LPXN: variants seen among roughly 807,000 people sequenced by gnomAD.
LPXN encodes the protein leupaxin.
A neutral mutation model predicts 45.6 loss-of-function variants in LPXN; 28 were observed. The observed-to-expected ratio is 0.61, with a 90% CI of 0.45 to 0.84. The LOEUF (loss-of-function observed/expected upper bound fraction) is 0.84, where lower values mean the gene tolerates loss of function less well. Among genes scored for constraint, LPXN ranks in the 40% least tolerant of loss-of-function variants. The pLI, the probability that LPXN is intolerant of heterozygous loss-of-function variation, is 0.00. For synonymous variants in LPXN, 166 were observed against 169.9 expected, an observed-to-expected ratio of 0.98 and a Z score of 0.18; for missense variants, 459 against 475.0, an observed-to-expected ratio of 0.97 and a Z score of 0.31.
At chr11:58,574,400 G>GT (rs1315753241) in intron 1 of LPXN, among the ~76,000 whole-genome samples, 1 of 152,146 alleles carries the variant, frequency 6.6e-6, no homozygotes, top group Non-Finnish European at 1.5e-5. Context: ...GTTTTTCTTA[G>GT]TTTTCTCATC....
intron 2 of LPXN, among the ~76,000 whole-genome samples, chr11:58,569,982 T>C (rs1854636166): frequency 1.3e-5 from 2 of 152,106 alleles, no homozygotes; most frequent in Admixed American, 1.3e-4. Flanking sequence ...TGCAATACTC[T>C]GCCTGTGACC....
intron 7 of LPXN, among the ~76,000 whole-genome samples, chr11:58,532,643 G>A (rs1018521928): frequency 2.0e-5 from 3 of 152,230 alleles, no homozygotes; most frequent in African/African-American, 4.8e-5. Flanking sequence ...TCTGTGTCTA[G>A]CTCAGGGATT....
intron 1 of LPXN, among the ~76,000 whole-genome samples, chr11:58,573,032 G>A (rs1473368526): frequency 6.6e-6 from 1 of 152,068 alleles, no homozygotes; most frequent in Non-Finnish European, 1.5e-5. Flanking sequence ...GATCGCCTGA[G>A]GTTGGGAGTT....
intron 8 of LPXN, 105 bp from the exon 9 acceptor site, chr11:58,527,828 TA>T: frequency 8.2e-7 from 1 of 1,221,432 alleles, no homozygotes; most frequent in Non-Finnish European, 1.1e-6. Flanking sequence ...ACCTGCCAGC[TA>T]CAGGAATTTC....
At chr11:58,533,986 T>C (rs1853474212) in intron 7 of LPXN, among the ~76,000 whole-genome samples, 1 of 152,238 alleles carries the variant, frequency 6.6e-6, no homozygotes, top group South Asian at 2.1e-4. Context: ...ATCCTAATTA[T>C]ATATGCACCC....
chr11:58,554,849 G>T lies in LPXN; in HGVS notation c.310C>A (p.Gln104Lys). The T allele has an allele frequency of 6.2e-7, 1 of 1,613,178 alleles. No individual in the cohort carries two copies. The highest frequency in any genetic ancestry group is 8.5e-7 in the Non-Finnish European group (1 of 1,179,580). The change falls in exon 4 of 9, where the codon CAG (glutamine) becomes AAG (lysine). Residue 104 changes from glutamine to lysine, a missense_variant. Transcript: ENST00000395074. ...DELMAHLTEM[Q>K]AKVAVRADAG... is the part of the protein sequence containing the mutation. ...CCTTGGCCTGCACTCACCTTGGCCTGCATCTCAGTCAGGTGAGCCATGAGC... is the reference window on the plus strand; with the variant it reads ...CCTTGGCCTGCACTCACCTTGGCCTTCATCTCAGTCAGGTGAGCCATGAGC...
chr11:58,575,740 T>A lies in LPXN; in HGVS notation c.13+20A>T. 6.2e-7 allele frequency: 1 copy of A among 1,614,168 alleles called. No individual in the cohort carries two copies. The highest frequency in any genetic ancestry group is 1.1e-5 in the South Asian group (1 of 91,090). ...CAAGTCTTCACTCCCTCAGAGTTTC[T>A]CCTCAGGCTCCTCACTCACCTAACT... is the stretch of plus-strand genomic sequence containing the variant. On this transcript the variant is annotated intron_variant, in intron 1 of 8. Coordinates refer to ENST00000395074, the MANE Select transcript of LPXN (RefSeq NM_004811.3).
intron 2 of LPXN, among the ~76,000 whole-genome samples, chr11:58,568,432 G>A (rs1854585856): frequency 6.6e-6 from 1 of 152,030 alleles, no homozygotes; most frequent in African/African-American, 2.4e-5. Flanking sequence ...GTGAAATCCT[G>A]TCTCTACTAA....
intron 1 of LPXN, among the ~76,000 whole-genome samples, chr11:58,573,791 G>A (rs527880573): frequency 7.9e-5 from 12 of 152,184 alleles, no homozygotes; most frequent in Non-Finnish European, 1.5e-4. Context: ...TTACTGTGGA[G>A]ATGAAATAAT....
At chr11:58,529,362 G>C (rs1853317240) in intron 7 of LPXN, among the ~76,000 whole-genome samples, 1 of 152,108 alleles carries the variant, frequency 6.6e-6, no homozygotes, top group African/African-American at 2.4e-5. Context: ...TGTAATCCCA[G>C]CACTTTGGGA....
At chr11:58,551,314 C>G in intron 4 of LPXN, 82 bp from the exon 5 acceptor site, 2 of 1,160,750 alleles carry the variant, frequency 1.7e-6, no homozygotes, top group Non-Finnish European at 1.1e-6. Flanking sequence ...ATAAATTCAC[C>G]TCTACTGACT....
chr11:58,556,872 T>C lies in LPXN; in HGVS notation c.219-1932A>G, dbSNP rs1359410485. Among the ~76,000 whole-genome samples, 3 of 152,190 alleles carry C rather than the reference T, an allele frequency of 2.0e-5. No homozygotes were observed. In the East Asian group the frequency reaches 5.8e-4, roughly 29 times the overall value. ...CATAAAGGAAGATCCACATATCCAA[T>C]TAAACAATGAGCAAAGGACCTGAAT... On this transcript the variant is annotated intron_variant, in intron 3 of 8. Coordinates refer to ENST00000395074, the MANE Select transcript of LPXN (RefSeq NM_004811.3).
chr11:58,537,632 A>C (rs1447075976), intron 7 of LPXN, among the ~76,000 whole-genome samples: 1 of 152,174 alleles, frequency 6.6e-6, no homozygotes, highest in Admixed American at 6.5e-5. Context: ...CACATTCTGC[A>C]CATGTACACC....
upstream of LPXN, chr11:58,578,208 T>G: frequency 1.1e-6 from 1 of 878,976 alleles, no homozygotes; most frequent in Non-Finnish European, 1.6e-6. Flanking sequence ...GCTCGACGCT[T>G]GAGCCCGGAT....
intron 7 of LPXN, among the ~76,000 whole-genome samples, chr11:58,532,785 GC>G (rs1228562475): frequency 6.6e-6 from 1 of 152,200 alleles, no homozygotes; most frequent in Non-Finnish European, 1.5e-5. Flanking sequence ...AAAGCAGGCT[GC>G]CCGAGCCAGC....
intron 7 of LPXN, among the ~76,000 whole-genome samples, chr11:58,539,367 G>C (rs1853647860): frequency 6.6e-6 from 1 of 152,142 alleles, no homozygotes; most frequent in African/African-American, 2.4e-5. Flanking sequence ...GAAAAACCTA[G>C]AAGAAATGAC....
chr11:58,560,108 T>C (rs1039898126), intron 3 of LPXN, among the ~76,000 whole-genome samples: 7 of 152,226 alleles, frequency 4.6e-5, no homozygotes, highest in African/African-American at 1.2e-4. Flanking sequence ...GTTTATGAAA[T>C]AGTTTTGTAT....
chr11:58,565,362 T>C (rs2134338946), intron 2 of LPXN, among the ~76,000 whole-genome samples: 1 of 152,094 alleles, frequency 6.6e-6, no homozygotes, highest in African/African-American at 2.4e-5. Context: ...TGAAACCCCA[T>C]CTCTACTAAA....
chr11:58,543,154 T>A (rs534954171), intron 7 of LPXN, among the ~76,000 whole-genome samples: 34 of 152,188 alleles, frequency 2.2e-4, no homozygotes, highest in Non-Finnish European at 3.5e-4. Context: ...CTAGTTTGAT[T>A]ACTGTTTGTC....
Sources: allele counts gnomAD v4.1 joint callset (sites outside exome capture counted in the v4.1 genomes callset), GRCh38; gene constraint gnomAD v4.1.1; transcripts MANE v1.5; gene names NCBI Gene and HGNC (gene_info 2026-07-23, HGNC 2026-07-21).